The following TSC22D1 variants were observed in gnomAD, a reference collection of about 807,000 sequenced individuals.
The protein encoded by TSC22D1 is TSC22 domain family member 1.
TSC22D1 carries 9 observed loss-of-function variants against 74.2 expected under a neutral mutation model. The ratio of observed to expected loss-of-function variants is 0.12; its 90% CI spans 0.07 to 0.21. The LOEUF (loss-of-function observed/expected upper bound fraction) is 0.21. Among genes scored for constraint, TSC22D1 ranks in the 10% least tolerant of loss-of-function variants. The pLI is 1.00. For synonymous variants in TSC22D1, 586 were observed against 492.5 expected (o/e 1.19, Z -2.51); for missense variants, 1,427 against 1,304.7 (o/e 1.09, Z -1.44).
At chr13:44,445,416 C>T (rs1207917182) in intron 1 of TSC22D1, among the ~76,000 whole-genome samples, 2 of 151,570 alleles carry the variant, frequency 1.3e-5, no homozygotes, top group South Asian at 4.1e-4. Flanking sequence ...AAAATCCCAA[C>T]CTATAAAACT....
chr13:44,470,012 G>A (rs980562121), intron 1 of TSC22D1, among the ~76,000 whole-genome samples: 11 of 152,134 alleles, frequency 7.2e-5, no homozygotes, highest in Non-Finnish European at 1.3e-4. Context: ...GTAAGAAAGT[G>A]ACAGGTAGAT....
chr13:44,576,432 C>CA (rs1884258029), upstream of TSC22D1: 1 of 206,176 alleles, frequency 4.9e-6, no homozygotes, highest in East Asian at 1.0e-4. Context: ...GAGAAATGCC[C>CA]ACCTTCTCCG....
At position 44,517,518 on chromosome 13, in the gene TSC22D1, T is replaced by G. The variant is rs116642732; in HGVS notation, c.2912+55645A>C. Among the ~76,000 whole-genome samples, 1,079 of 151,942 alleles carry G rather than the reference T, an allele frequency of 7.1e-3. 10 individuals are homozygous for G. Among genetic ancestry groups the G allele is most frequent in the African/African-American group, 0.025 (1,031 of 41,480 alleles). ...TCAAACTGAAAATGTGCAGGATTAC[T>G]ATCCATTGATCAATCAAAACCTGAG... On this transcript the variant is annotated intron_variant, in intron 1 of 2. Coordinates refer to ENST00000458659, the MANE Select transcript of TSC22D1 (RefSeq NM_183422.4).
At chr13:44,520,249 A>G (rs1880246668) in intron 1 of TSC22D1, among the ~76,000 whole-genome samples, 1 of 152,174 alleles carries the variant, frequency 6.6e-6, no homozygotes, top group Non-Finnish European at 1.5e-5. Context: ...GAATCAGACT[A>G]AAAACTGGCC....
At chr13:44,498,299 AAAAC>A (rs146164939) in intron 1 of TSC22D1, among the ~76,000 whole-genome samples, 54,478 of 150,512 alleles carry the variant, frequency 0.36, 9,889 homozygotes, top group Non-Finnish European at 0.39. Context: ...TTCTGCCTCA[AAAAC>A]AAACAAACAA....
intron 1 of TSC22D1, chr13:44,537,724 T>C (rs920322451): frequency 5.4e-5 from 53 of 984,486 alleles, no homozygotes; most frequent in Admixed American, 1.2e-4. Flanking sequence ...TCAGTTCAAA[T>C]TGAACCTTTA....
At chr13:44,510,332 C>T (rs979617449) in intron 1 of TSC22D1, among the ~76,000 whole-genome samples, 27 of 151,626 alleles carry the variant, frequency 1.8e-4, no homozygotes, top group African/African-American at 6.3e-4. Context: ...GCGGGGGTTG[C>T]AGTGAACCAA....
At chr13:44,537,751 C>G (rs991209837) in intron 1 of TSC22D1, 63 of 980,692 alleles carry the variant, frequency 6.4e-5, no homozygotes, top group Non-Finnish European at 7.0e-5. Flanking sequence ...CTTTTAAATA[C>G]TATACTTAAC....
chr13:44,438,017 TC>T (rs1874879813), intron 1 of TSC22D1, among the ~76,000 whole-genome samples: 1 of 152,200 alleles, frequency 6.6e-6, no homozygotes. Flanking sequence ...TTTCAAAATT[TC>T]CTATATTAAT....
chr13:44,518,834 C>T (rs1480595412), intron 1 of TSC22D1, among the ~76,000 whole-genome samples: 2 of 152,174 alleles, frequency 1.3e-5, no homozygotes, highest in Non-Finnish European at 2.9e-5. Flanking sequence ...AAAATTCAGG[C>T]TATCACTAAA....
intron 1 of TSC22D1, among the ~76,000 whole-genome samples, chr13:44,556,735 G>A (rs765161499): frequency 3.9e-5 from 6 of 151,910 alleles, no homozygotes; most frequent in African/African-American, 7.3e-5. Context: ...ACGTGGTGAC[G>A]CACACCTGTA....
Position 44,576,173 on chromosome 13 carries a change from C to A in TSC22D1, c.-99G>T, listed in dbSNP as rs1884231582. The A allele has an allele frequency of 1.5e-6, 2 of 1,359,932 alleles. No homozygotes were observed. Among genetic ancestry groups the A allele is most frequent in the Non-Finnish European group, 1.9e-6 (2 of 1,051,240 alleles). 84.2% of individuals were successfully genotyped at this position (1,359,932 alleles called of 1,614,324 possible). On this transcript the variant is annotated 5_prime_UTR_variant, in exon 1 of 3. Coordinates refer to ENST00000458659, the MANE Select transcript of TSC22D1 (RefSeq NM_183422.4). ...CCGGAGAGGAAAACGGGACCTGACG[C>A]TCCGCCTGGCGCGATTCCTCCTTCT...
chr13:44,459,159 C>G (rs1367906919), intron 1 of TSC22D1, among the ~76,000 whole-genome samples: 3 of 152,190 alleles, frequency 2.0e-5, no homozygotes, highest in African/African-American at 7.2e-5. Flanking sequence ...CTTCTAAGCC[C>G]ATAAAACACC....
intron 1 of TSC22D1, among the ~76,000 whole-genome samples, chr13:44,551,743 A>G (rs1036043426): frequency 6.6e-6 from 1 of 151,712 alleles, no homozygotes; most frequent in African/African-American, 2.4e-5. Context: ...TATTTTAAAG[A>G]TTTTGACATA....
chr13:44,551,802 G>C (rs1303663453), intron 1 of TSC22D1, among the ~76,000 whole-genome samples: 1 of 152,146 alleles, frequency 6.6e-6, no homozygotes, highest in African/African-American at 2.4e-5. Context: ...TTGGGAGACT[G>C]AGTTGGGAGG....
At chr13:44,539,841 C>A in intron 1 of TSC22D1, 1 of 1,289,512 alleles carries the variant, frequency 7.8e-7, no homozygotes, top group Non-Finnish European at 1.0e-6. Flanking sequence ...GAAAGTGGAC[C>A]CCTGACGTCA....
At chr13:44,539,830 A>G (rs918313624) in intron 1 of TSC22D1, 42 of 1,289,474 alleles carry the variant, frequency 3.3e-5, no homozygotes, top group Non-Finnish European at 3.8e-5. Context: ...GGTTCAGTGG[A>G]GAAAGTGGAC....
At chr13:44,479,490 A>G (rs980741520) in intron 1 of TSC22D1, among the ~76,000 whole-genome samples, 3 of 152,202 alleles carry the variant, frequency 2.0e-5, no homozygotes, top group South Asian at 2.1e-4. Flanking sequence ...CCAAAGCAAT[A>G]TACTGTGCTT....
At chr13:44,437,023 G>C (rs538402328) in intron 1 of TSC22D1, 44 of 977,910 alleles carry the variant, frequency 4.5e-5, no homozygotes, top group African/African-American at 4.0e-4. Context: ...TCCCGCTCGT[G>C]GGGTGGGCTG....
Sources: gnomAD v4.1 joint callset for allele counts (sites outside exome capture counted in the v4.1 genomes callset) on GRCh38, gnomAD v4.1.1 for gene constraint, MANE v1.5 for transcripts, NCBI Gene and HGNC (gene_info 2026-07-23, HGNC 2026-07-21) for gene names.